Variants in CALN1 observed in about 807,000 individuals in gnomAD.
CALN1 encodes calcium-binding protein 8.
CALN1 carries 17 observed loss-of-function variants against 30.6 expected under a neutral mutation model. The observed-to-expected ratio is 0.56, with a 90% CI of 0.38 to 0.83. The LOEUF is 0.83. Among genes scored for constraint, CALN1 ranks in the 40% least tolerant of loss-of-function variants. CALN1 has a pLI of 0.00. For synonymous variants in CALN1, 156 were observed against 131.4 expected (o/e 1.19, Z -1.28); for missense variants, 291 against 354.9 (o/e 0.82, Z 1.45).
chr7:72,240,192 C>CTTT (rs57111533), intron 3 of CALN1, among the ~76,000 whole-genome samples: 2 of 140,680 alleles, frequency 1.4e-5, no homozygotes, highest in African/African-American at 2.6e-5. Flanking sequence ...GGGGAAATTT[C>CTTT]TTTTTTTTTT....
chr7:72,395,956 T>G (rs1201285299), intron 2 of CALN1, among the ~76,000 whole-genome samples: 2 of 151,990 alleles, frequency 1.3e-5, no homozygotes, highest in Admixed American at 6.6e-5. Flanking sequence ...ATATTTTAAC[T>G]CACCAGATAC....
At chr7:72,397,349 T>C (rs1806029710) in intron 2 of CALN1, among the ~76,000 whole-genome samples, 1 of 152,008 alleles carries the variant, frequency 6.6e-6, no homozygotes, top group African/African-American at 2.4e-5. Context: ...GATGACAAGA[T>C]CAAGGTTGAG....
intron 5 of CALN1, among the ~76,000 whole-genome samples, chr7:71,960,175 AAAT>A (rs1197641693): frequency 0.022 from 2,783 of 124,344 alleles, 29 homozygotes; most frequent in Non-Finnish European, 0.032. Flanking sequence ...ATAAATAAAT[AAAT>A]AAATAAAATA....
At chr7:71,947,956 G>T (rs1359566641) in intron 5 of CALN1, among the ~76,000 whole-genome samples, 3 of 150,568 alleles carry the variant, frequency 2.0e-5, no homozygotes, top group Non-Finnish European at 4.4e-5. Context: ...AAAGAAAGAT[G>T]TGGACATGCT....
At chr7:72,076,189 T>C (rs1804712411) in intron 4 of CALN1, among the ~76,000 whole-genome samples, 1 of 151,952 alleles carries the variant, frequency 6.6e-6, no homozygotes, top group Admixed American at 6.6e-5. Context: ...ATGCTGGACT[T>C]AATACCTAGA....
In CALN1 at chr7:71,863,581, A is replaced by G. The variant is rs1003368772; in HGVS notation, c.502-53089T>C. 4.6e-4 allele frequency among the ~76,000 whole-genome samples: 69 copies of G among 150,250 alleles called. 1 individual carries two copies. Among genetic ancestry groups the G allele is most frequent in the East Asian group, 2.7e-3 (14 of 5,134 alleles). ...TCAAAAAAAAAAAAAAAAAAAAAAAAAAGAAGAAAGAAAGAAATAACAACA... is the reference window on the plus strand; with the variant it reads ...TCAAAAAAAAAAAAAAAAAAAAAAAGAAGAAGAAAGAAAGAAATAACAACA... On this transcript the variant is annotated intron_variant, in intron 5 of 6. Transcript: ENST00000395275.
intron 3 of CALN1, among the ~76,000 whole-genome samples, chr7:72,205,487 GCCACCA>G (rs1207873863): frequency 8.3e-5 from 12 of 144,482 alleles, no homozygotes; most frequent in Middle Eastern, 3.6e-3. Context: ...ACAGGCATGA[GCCACCA>G]CACCCAGCCT....
chr7:72,220,232 C>T (rs926955496), intron 3 of CALN1, among the ~76,000 whole-genome samples: 14 of 139,912 alleles, frequency 1.0e-4, no homozygotes, highest in Non-Finnish European at 1.8e-4. Context: ...TGATGTTCCC[C>T]TTCCTGTGTC....
chr7:72,385,027 T>C (rs759609751), intron 2 of CALN1, among the ~76,000 whole-genome samples: 18 of 152,068 alleles, frequency 1.2e-4, no homozygotes, highest in South Asian at 2.1e-4. Context: ...AGAAAAAATA[T>C]ACGGATGGCA....
At chr7:72,406,507 T>C (rs1298878721) in intron 1 of CALN1, among the ~76,000 whole-genome samples, 1 of 152,212 alleles carries the variant, frequency 6.6e-6, no homozygotes, top group Non-Finnish European at 1.5e-5. Context: ...TAATTGCCTT[T>C]ACAATCGTCA....
At chr7:72,085,120 C>A (rs796317892) in intron 4 of CALN1, among the ~76,000 whole-genome samples, 1 of 152,132 alleles carries the variant, frequency 6.6e-6, no homozygotes, top group African/African-American at 2.4e-5. Context: ...AGCAGCCAAA[C>A]GCTATGTCAT....
At chr7:72,437,804 CTTCCTTCCTTCT>C (rs1195237882) in intron 1 of CALN1, among the ~76,000 whole-genome samples, 1 of 136,318 alleles carries the variant, frequency 7.3e-6, no homozygotes, top group Non-Finnish European at 1.6e-5. Context: ...TCCTTCCTAC[CTTCCTTCCTTCT>C]TTCCTTCCTT....
chr7:72,365,197 C>A (rs1327449030), intron 2 of CALN1, among the ~76,000 whole-genome samples: 1 of 151,952 alleles, frequency 6.6e-6, no homozygotes, highest in East Asian at 1.9e-4. Flanking sequence ...CCCACCTACT[C>A]GGGAGGCTGA....
intron 5 of CALN1, among the ~76,000 whole-genome samples, chr7:71,941,085 G>A (rs1458413048): frequency 3.3e-5 from 5 of 152,034 alleles, no homozygotes; most frequent in African/African-American, 1.2e-4. Flanking sequence ...GGTGGCTCAC[G>A]ACTGTAATCC....
At chr7:72,364,536 T>C (rs1198573294) in intron 2 of CALN1, among the ~76,000 whole-genome samples, 1 of 152,202 alleles carries the variant, frequency 6.6e-6, no homozygotes, top group South Asian at 2.1e-4. Context: ...TTTTAACTAA[T>C]ATAGCACAAA....
chr7:72,379,180 A>T (rs1804745516), intron 2 of CALN1, among the ~76,000 whole-genome samples: 1 of 152,070 alleles, frequency 6.6e-6, no homozygotes, highest in Admixed American at 6.5e-5. Context: ...CACAAACTGG[A>T]TTACAGTGGT....
At chr7:72,080,932 T>C (rs950172640) in intron 4 of CALN1, among the ~76,000 whole-genome samples, 1 of 152,166 alleles carries the variant, frequency 6.6e-6, no homozygotes, top group African/African-American at 2.4e-5. Context: ...TGTTTGTTGC[T>C]GGTCTAGTAT....
chr7:71,934,863 C>A (rs149074081), intron 5 of CALN1, among the ~76,000 whole-genome samples: 12 of 152,128 alleles, frequency 7.9e-5, no homozygotes, highest in Non-Finnish European at 1.5e-4. Flanking sequence ...TACATGGTGG[C>A]AGAGAAGAGA....
chr7:72,403,467 C>T (rs191573494), intron 1 of CALN1, 25 bp from the exon 2 acceptor site: 8 of 893,844 alleles, frequency 9.0e-6, no homozygotes, highest in African/African-American at 8.3e-5. Context: ...CAGAAACTTA[C>T]AGCCTGCACA....
Sources: gnomAD v4.1 joint callset for allele counts (sites outside exome capture counted in the v4.1 genomes callset) on GRCh38, gnomAD v4.1.1 for gene constraint, MANE v1.5 for transcripts, NCBI Gene and HGNC (gene_info 2026-07-23, HGNC 2026-07-21) for gene names.